The following TMEM74 variants were observed in gnomAD, a reference collection of about 807,000 sequenced individuals.
TMEM74 encodes transmembrane protein 74.
A neutral mutation model predicts 18.1 loss-of-function variants in TMEM74; 13 were observed. That is an observed-to-expected ratio of 0.72 (90% CI 0.47 to 1.14). The LOEUF is 1.14. Among genes scored for constraint, TMEM74 ranks in the 50% most tolerant of loss-of-function variants. TMEM74 has a pLI of 0.00. For synonymous variants in TMEM74, 159 were observed against 146.6 expected (o/e 1.08, Z -0.61); for missense variants, 372 against 375.9 (o/e 0.99, Z 0.09).
intron 2 of TMEM74, among the ~76,000 whole-genome samples, chr8:108,639,337 ACTCTAAGG>A (rs1358293273): frequency 6.6e-6 from 1 of 152,026 alleles, no homozygotes; most frequent in Non-Finnish European, 1.5e-5. Flanking sequence ...AGACTGTTTG[ACTCTAAGG>A]CTCATGAGCT....
At chr8:108,762,566 A>G (rs1176443020) in intron 1 of TMEM74, among the ~76,000 whole-genome samples, 2 of 152,154 alleles carry the variant, frequency 1.3e-5, no homozygotes, top group Non-Finnish European at 2.9e-5. Context: ...AACAGCATTT[A>G]TCTTGTCACC....
intron 2 of TMEM74, among the ~76,000 whole-genome samples, chr8:108,638,499 A>G (rs1289492214): frequency 6.6e-6 from 1 of 151,978 alleles, no homozygotes; most frequent in African/African-American, 2.4e-5. Flanking sequence ...GATTCAAACT[A>G]AGTCAATCCA....
At chr8:108,652,628 C>A in intron 2 of TMEM74, 1 of 626,588 alleles carries the variant, frequency 1.6e-6, no homozygotes, top group Non-Finnish European at 3.0e-6. Flanking sequence ...GTAAAGAAGG[C>A]AAAAGAAAGC....
chr8:108,638,550 A>G (rs1418182882), intron 2 of TMEM74, among the ~76,000 whole-genome samples: 1 of 150,588 alleles, frequency 6.6e-6, no homozygotes, highest in Non-Finnish European at 1.5e-5. Context: ...TGAAATTTCC[A>G]AAGTCTCTAG....
At chr8:108,690,519 C>G (rs1813215234) in intron 1 of TMEM74, among the ~76,000 whole-genome samples, 2 of 151,494 alleles carry the variant, frequency 1.3e-5, no homozygotes, top group Middle Eastern at 6.8e-3. Flanking sequence ...CCAAGAGTAA[C>G]AAATAATTCT....
chr8:108,776,802 A>C (rs1814239624), downstream of TMEM74, among the ~76,000 whole-genome samples: 1 of 152,036 alleles, frequency 6.6e-6, no homozygotes, highest in Non-Finnish European at 1.5e-5. Context: ...GGGGAAAAGG[A>C]GGAAGAGGAA....
At chr8:108,663,875 T>TG (rs1253774253) in intron 1 of TMEM74, among the ~76,000 whole-genome samples, 2 of 152,148 alleles carry the variant, frequency 1.3e-5, no homozygotes, top group East Asian at 3.9e-4. Context: ...AACCAAACAC[T>TG]GCATGTTCTC....
chr8:108,783,073 T>G lies in TMEM74; in HGVS notation c.*1108A>C, dbSNP rs920844039. Among the ~76,000 whole-genome samples the G allele has an allele frequency of 6.6e-6, 1 of 152,172 alleles. No homozygotes were observed. Among genetic ancestry groups the G allele is most frequent in the African/African-American group, 2.4e-5 (1 of 41,430 alleles). On this transcript the variant is annotated 3_prime_UTR_variant, in exon 2 of 2. Transcript: ENST00000297459. ...GTTCTGACGATGACTACAGTCCCCA[T>G]TAAATCAGTGTATTGAATCTCTCTT...
intron 2 of TMEM74, among the ~76,000 whole-genome samples, chr8:108,634,761 A>T (rs1414229032): frequency 6.6e-6 from 1 of 151,974 alleles, no homozygotes; most frequent in Non-Finnish European, 1.5e-5. Flanking sequence ...GGTGGCCTAG[A>T]TTCAGGCCCC....
rs562480121 is a variant in TMEM74, at chr8:108,639,803, G to A, written n.264+15490C>T. On this transcript the variant is annotated intron_variant and non_coding_transcript_variant, in intron 2 of 3. Coordinates refer to the TMEM74 transcript ENST00000518838. ...GGAAATTTCCGAAGTTTCCTCGATCGGGAATAGGGAAGGGAGAGAGATATT... is the reference window on the plus strand; with the variant it reads ...GGAAATTTCCGAAGTTTCCTCGATCAGGAATAGGGAAGGGAGAGAGATATT... 2.6e-5 allele frequency among the ~76,000 whole-genome samples: 4 copies of A among 152,208 alleles called. No individual in the cohort carries two copies. The South Asian group carries it at 8.3e-4, about 32-fold the overall frequency.
chr8:108,646,131 T>C (rs1812714906), intron 2 of TMEM74, among the ~76,000 whole-genome samples: 1 of 151,094 alleles, frequency 6.6e-6, no homozygotes, highest in Non-Finnish European at 1.5e-5. Context: ...ATACTTAACA[T>C]GGGCTCAAGA....
intron 1 of TMEM74, among the ~76,000 whole-genome samples, chr8:108,656,666 T>A (rs1207699265): frequency 2.6e-5 from 4 of 152,154 alleles, no homozygotes; most frequent in Admixed American, 2.6e-4. Context: ...CCCTCAGTGA[T>A]GCCTAAGCAT....
chr8:108,710,692 G>T (rs775628660), intron 1 of TMEM74, among the ~76,000 whole-genome samples: 23 of 152,148 alleles, frequency 1.5e-4, no homozygotes, highest in Admixed American at 6.5e-4. Flanking sequence ...TGCACGGTTG[G>T]CTCTCTCTTG....
At position 108,734,760 on chromosome 8, in the gene TMEM74, C is replaced by T. The variant is rs146114777; in HGVS notation, n.119+52716G>A. 6.6e-3 allele frequency among the ~76,000 whole-genome samples: 1,008 copies of T among 152,282 alleles called. 12 individuals carry two copies. Among genetic ancestry groups the T allele is most frequent in the African/African-American group, 0.023 (939 of 41,556 alleles). ...ACAAAATGCCTTAGGTTCATCCTCG[C>T]ATCAATTCAACCGGGGACACTTGAG... On this transcript the variant is annotated intron_variant and non_coding_transcript_variant, in intron 1 of 3. Coordinates refer to the TMEM74 transcript ENST00000518838.
intron 2 of TMEM74, among the ~76,000 whole-genome samples, chr8:108,643,899 C>T (rs1812690711): frequency 1.3e-5 from 2 of 151,894 alleles, no homozygotes; most frequent in South Asian, 4.1e-4. Flanking sequence ...TTAGAAAAAT[C>T]AATGTTGTTA....
rs752338705 is a variant in TMEM74 at position 108,784,188 on chromosome 8, T to C, written c.911A>G (p.Gln304Arg). The C allele has an allele frequency of 2.5e-6, 4 of 1,604,874 alleles. No homozygotes were observed. Among genetic ancestry groups the C allele is most frequent in the South Asian group, 1.1e-5 (1 of 89,878 alleles). Residue 304 changes from glutamine to arginine, a missense_variant, in exon 2 of 2, where the codon CAG (glutamine) becomes CGG (arginine). Physicochemically the swap from Gln to Arg is conservative, Grantham distance 43. Coordinates refer to ENST00000297459, the MANE Select transcript of TMEM74 (RefSeq NM_153015.3). ...SLVEEDALAV[Q>R]S is the part of the protein sequence containing the mutation. The stretch of plus-strand genomic sequence containing the variant: ...AGATATTCACAACCAGAATTAACTC[T>C]GTACAGCAAGCGCATCTTCCTCTAC...
chr8:108,663,898 G>A (rs542788079), intron 1 of TMEM74, among the ~76,000 whole-genome samples: 21 of 152,244 alleles, frequency 1.4e-4, no homozygotes, highest in Admixed American at 3.9e-4. Context: ...TTATAAGTGG[G>A]AGCTGAACAA....
At chr8:108,684,434 AT>A (rs34687318) in intron 1 of TMEM74, among the ~76,000 whole-genome samples, 69 of 144,870 alleles carry the variant, frequency 4.8e-4, no homozygotes, top group Middle Eastern at 3.7e-3. Flanking sequence ...TTTTTTGCCC[AT>A]TTTTTTTTTC....
chr8:108,626,778 T>C (rs1812498590), intron 2 of TMEM74: 1 of 152,074 alleles, frequency 6.6e-6, no homozygotes, highest in Non-Finnish European at 1.5e-5. Context: ...TCTGTCTATC[T>C]ATATATACAA....
Sources: gnomAD v4.1 joint callset for allele counts (sites outside exome capture counted in the v4.1 genomes callset) on GRCh38, gnomAD v4.1.1 for gene constraint, MANE v1.5 for transcripts, NCBI Gene and HGNC (gene_info 2026-07-23, HGNC 2026-07-21) for gene names.